The following MPZL3 variants were observed in gnomAD, a reference collection of about 807,000 sequenced individuals.
MPZL3 encodes the protein myelin protein zero-like protein 3.
A neutral mutation model predicts 24.8 loss-of-function variants in MPZL3; 23 were observed. That is an observed-to-expected ratio of 0.93 (90% confidence interval 0.67 to 1.31). MPZL3 has a LOEUF of 1.31. Among genes scored for constraint, MPZL3 ranks in the 40% most tolerant of loss-of-function variants. MPZL3 has a pLI of 0.00. For synonymous variants in MPZL3, 99 were observed against 106.5 expected (o/e 0.93, Z 0.44); for missense variants, 277 against 294.9 (o/e 0.94, Z 0.44).
chr11:118,230,814 C>G (rs1949340724), intron 5 of MPZL3, among the ~76,000 whole-genome samples: 1 of 152,140 alleles, frequency 6.6e-6, no homozygotes, highest in Non-Finnish European at 1.5e-5. Context: ...TTCTTATACA[C>G]TCTCCCTGTC....
At chr11:118,246,739 C>A (rs1157948039) in intron 1 of MPZL3, among the ~76,000 whole-genome samples, 2 of 151,910 alleles carry the variant, frequency 1.3e-5, no homozygotes, top group Non-Finnish European at 2.9e-5. Flanking sequence ...CGTGTGCCAC[C>A]ACACCTGGCT....
chr11:118,240,595 T>G (rs905476656), intron 1 of MPZL3, among the ~76,000 whole-genome samples: 2 of 152,204 alleles, frequency 1.3e-5, no homozygotes, highest in Non-Finnish European at 2.9e-5. Flanking sequence ...CACAACTGAA[T>G]GCTTGTGTAA....
intron 4 of MPZL3, among the ~76,000 whole-genome samples, chr11:118,234,719 A>G (rs1017405428): frequency 7.0e-6 from 1 of 141,914 alleles, no homozygotes; most frequent in African/African-American, 2.5e-5. Flanking sequence ...TTATCATTAA[A>G]TAAATGCACA....
At chr11:118,240,129 G>A in intron 2 of MPZL3, 82 bp downstream of exon 2, 1 of 1,332,732 alleles carries the variant, frequency 7.5e-7, no homozygotes, top group Non-Finnish European at 1.0e-6. Context: ...AGATGAGATG[G>A]CCTCAGGCAT....
chr11:118,245,807 C>A (rs1614945), intron 1 of MPZL3, among the ~76,000 whole-genome samples: 118,600 of 152,146 alleles, frequency 0.78, 46,799 homozygotes, highest in African/African-American at 0.9. Context: ...AGCTAAAAAA[C>A]ATTTACAATG....
rs60832269 is a variant in MPZL3, at chr11:118,229,125, C to CAAAAAAA, written c.*762_*768dup. ...CTGGCGACAGAGTGAGACTCTGCCT[C>CAAAAAAA]AAAAAAAAAAAAAAAAAAAAAAAAG... On this transcript the variant is annotated 3_prime_UTR_variant, in exon 6 of 6. Transcript: ENST00000278949. 1.0e-5 allele frequency: 1 copy of CAAAAAAA among 96,438 alleles called. No individual in the cohort carries two copies. The highest frequency in any genetic ancestry group is 5.7e-5 in the African/African-American group (1 of 17,392). 6.0% of individuals were successfully genotyped at this position (96,438 alleles called of 1,614,324 possible). A position where few individuals can be genotyped will look rare whatever the true frequency, so the allele number is the denominator to read the frequency against.
chr11:118,235,276 G>T (rs181791228), intron 4 of MPZL3, 148 bp downstream of exon 4: 44 of 928,266 alleles, frequency 4.7e-5, no homozygotes, highest in Non-Finnish European at 6.7e-5. Flanking sequence ...TCCTTTTGGC[G>T]CCCCTTAGCA....
At chr11:118,237,357 G>T in intron 2 of MPZL3, 97 bp from the exon 3 acceptor site, 1 of 1,128,474 alleles carries the variant, frequency 8.9e-7, no homozygotes, top group Non-Finnish European at 1.3e-6. Flanking sequence ...CTGTATAATG[G>T]TGTGTTTTTT....
intron 5 of MPZL3, among the ~76,000 whole-genome samples, chr11:118,230,686 G>A (rs912052900): frequency 1.3e-5 from 2 of 151,998 alleles, no homozygotes; most frequent in African/African-American, 2.4e-5. Flanking sequence ...CTCAGCTGAC[G>A]GCCTTGCTTT....
At chr11:118,233,610 G>T in intron 4 of MPZL3, 87 bp from the exon 5 acceptor site, 2 of 1,388,360 alleles carry the variant, frequency 1.4e-6, no homozygotes, top group Non-Finnish European at 2.0e-6. Flanking sequence ...AAATCAGACA[G>T]GTCTGGTTTT....
At chr11:118,238,791 A>G (rs1949456815) in intron 2 of MPZL3, among the ~76,000 whole-genome samples, 1 of 152,254 alleles carries the variant, frequency 6.6e-6, no homozygotes, top group African/African-American at 2.4e-5. Context: ...CTTACATTTT[A>G]GTGATAAAGA....
intron 1 of MPZL3, among the ~76,000 whole-genome samples, chr11:118,248,436 T>A (rs1355287897): frequency 6.6e-6 from 1 of 152,192 alleles, no homozygotes; most frequent in African/African-American, 2.4e-5. Context: ...TTATAGTAAG[T>A]ACGCCATCAA....
intron 1 of MPZL3, among the ~76,000 whole-genome samples, chr11:118,251,933 G>GC (rs541154550): frequency 5.8e-4 from 88 of 152,258 alleles, no homozygotes; most frequent in Admixed American, 1.8e-3. Context: ...AACACCGGGT[G>GC]CCCCCAAAGC....
At chr11:118,246,759 T>C (rs1481009686) in intron 1 of MPZL3, among the ~76,000 whole-genome samples, 1 of 151,966 alleles carries the variant, frequency 6.6e-6, no homozygotes, top group Non-Finnish European at 1.5e-5. Flanking sequence ...TAATTTTTTG[T>C]ATTTTTGGTA....
intron 2 of MPZL3, among the ~76,000 whole-genome samples, chr11:118,237,793 C>T (rs1949445662): frequency 6.6e-6 from 1 of 152,010 alleles, no homozygotes; most frequent in African/African-American, 2.4e-5. Flanking sequence ...ACTTGAGCCT[C>T]ATGACTACAC....
In MPZL3 at chr11:118,227,205, A is replaced by T. The variant is rs935671356; in HGVS notation, c.*2689T>A. ...AGCGTAATGCATAAAACTTAAAGTC[A>T]TGTAACCACATGTAAAAACTTCAGC... On this transcript the variant is annotated 3_prime_UTR_variant, in exon 6 of 6. Transcript: ENST00000278949. 2 of 152,248 alleles carry T rather than the reference A, an allele frequency of 1.3e-5. No homozygotes were observed. Among genetic ancestry groups the T allele is most frequent in the African/African-American group, 4.8e-5 (2 of 41,466 alleles). The allele number at this position is 152,248 out of a possible 1,614,324, so 9.4% of individuals were successfully genotyped here.
intron 2 of MPZL3, among the ~76,000 whole-genome samples, chr11:118,238,743 G>C (rs1218270674): frequency 6.6e-6 from 1 of 152,180 alleles, no homozygotes; most frequent in Non-Finnish European, 1.5e-5. Context: ...AAAGGATATG[G>C]TGGGAGCCAC....
chr11:118,234,944 G>A (rs567982056), intron 4 of MPZL3, among the ~76,000 whole-genome samples: 5 of 151,832 alleles, frequency 3.3e-5, no homozygotes, highest in East Asian at 1.9e-4. Flanking sequence ...TAATAACCAC[G>A]ATCCATGTAG....
intron 1 of MPZL3, 57 bp from the exon 2 acceptor site, chr11:118,240,434 T>G (rs1265735689): frequency 2.7e-6 from 4 of 1,508,406 alleles, no homozygotes; most frequent in Non-Finnish European, 3.5e-6. Flanking sequence ...AATATACAGA[T>G]GTGAGTGAAC....
Sources: allele counts gnomAD v4.1 joint callset (sites outside exome capture counted in the v4.1 genomes callset), GRCh38; gene constraint gnomAD v4.1.1; transcripts MANE v1.5; gene names NCBI Gene and HGNC (gene_info 2026-07-23, HGNC 2026-07-21).